KIF26B: variants seen among roughly 807,000 people sequenced by gnomAD.
The protein encoded by KIF26B is kinesin-like protein KIF26B.
A neutral mutation model predicts 151.2 loss-of-function variants in KIF26B; 63 were observed. The observed-to-expected ratio is 0.42, with a 90% confidence interval of 0.34 to 0.51. The LOEUF (loss-of-function observed/expected upper bound fraction) is 0.51. KIF26B is among the 20% of genes least tolerant of loss of function. The probability of loss-of-function intolerance (pLI) is 0.07; values close to 1 mark genes in which losing one functional copy is unlikely to be tolerated. For synonymous variants in KIF26B, 1,357 were observed against 1,262.1 expected, an observed-to-expected ratio of 1.08 and a Z score of -1.59; for missense variants, 2,813 against 2,913.6, an observed-to-expected ratio of 0.97 and a Z score of 0.79.
At position 245,162,522 on chromosome 1, in the gene KIF26B, A is replaced by G. The variant is rs545473348; in HGVS notation, c.465+5839A>G. Among the ~76,000 whole-genome samples the G allele has an allele frequency of 1.3e-4, 19 of 151,636 alleles. No individual in the cohort carries two copies. The East Asian group carries it at 3.7e-3, about 30-fold the overall frequency. On this transcript the variant is annotated intron_variant, in intron 2 of 14. Transcript: ENST00000407071. ...TGCCTCAGCCTCCCGAGTAGCTGGGACTACAGGCGCCCGCCACCACGCCCA... is the reference window on the plus strand; with the variant it reads ...TGCCTCAGCCTCCCGAGTAGCTGGGGCTACAGGCGCCCGCCACCACGCCCA...
chr1:245,517,633 G>C (rs1660998520), intron 4 of KIF26B, among the ~76,000 whole-genome samples: 1 of 152,254 alleles, frequency 6.6e-6, no homozygotes, highest in South Asian at 2.1e-4. Context: ...ATCAAAGAGA[G>C]GAGTGAACAT....
intron 5 of KIF26B, among the ~76,000 whole-genome samples, chr1:245,552,539 A>C (rs577097843): frequency 6.6e-6 from 1 of 151,978 alleles, no homozygotes; most frequent in African/African-American, 2.4e-5. Flanking sequence ...ACTGGTTTCC[A>C]TTCTGTTGCG....
At chr1:245,347,661 C>T (rs189324435) in intron 2 of KIF26B, among the ~76,000 whole-genome samples, 4 of 152,228 alleles carry the variant, frequency 2.6e-5, no homozygotes, top group East Asian at 3.9e-4. Flanking sequence ...TTTTAAAATG[C>T]GTGTTTATAC....
intron 2 of KIF26B, among the ~76,000 whole-genome samples, chr1:245,325,373 C>A (rs1251777208): frequency 6.6e-6 from 1 of 152,202 alleles, no homozygotes; most frequent in African/African-American, 2.4e-5. Flanking sequence ...CAACCTTATT[C>A]CACTGCATGC....
intron 5 of KIF26B, among the ~76,000 whole-genome samples, chr1:245,546,136 T>TA (rs1661734711): frequency 1.3e-5 from 2 of 152,240 alleles, no homozygotes; most frequent in Non-Finnish European, 2.9e-5. Flanking sequence ...ACATTCTTCT[T>TA]AGAGGAAGAG....
At chr1:245,163,587 TACATTA>T (rs1348084434) in intron 2 of KIF26B, among the ~76,000 whole-genome samples, 1 of 152,198 alleles carries the variant, frequency 6.6e-6, no homozygotes, top group Non-Finnish European at 1.5e-5. Flanking sequence ...GTTGAATGTA[TACATTA>T]ACCTGGGGGA....
chr1:245,253,065 A>G (rs1384680861), intron 2 of KIF26B, among the ~76,000 whole-genome samples: 1 of 141,750 alleles, frequency 7.1e-6, no homozygotes, highest in African/African-American at 2.7e-5. Context: ...GCTGGAGTGC[A>G]GTGACATGAT....
chr1:245,223,904 G>A (rs1669823447), intron 2 of KIF26B, among the ~76,000 whole-genome samples: 2 of 152,220 alleles, frequency 1.3e-5, no homozygotes, highest in African/African-American at 4.8e-5. Flanking sequence ...AGAAAAAGGA[G>A]TCAGCATCAC....
At chr1:245,630,367 T>C (rs1000198444) in intron 9 of KIF26B, among the ~76,000 whole-genome samples, 1 of 151,898 alleles carries the variant, frequency 6.6e-6, no homozygotes, top group African/African-American at 2.4e-5. Flanking sequence ...ATGAAGAAAA[T>C]GTAATACATA....
At chr1:245,219,342 A>G (rs1276895023) in intron 2 of KIF26B, among the ~76,000 whole-genome samples, 2 of 151,690 alleles carry the variant, frequency 1.3e-5, no homozygotes, top group Non-Finnish European at 2.9e-5. Flanking sequence ...GATGGTCTCC[A>G]TCTTCTGACC....
rs569069556 is a variant in KIF26B at position 245,324,822 on chromosome 1, C to T, written c.466-42012C>T. Among the ~76,000 whole-genome samples the T allele has an allele frequency of 3.3e-5, 5 of 152,112 alleles. No individual in the cohort carries two copies. In the South Asian group the frequency reaches 8.3e-4, roughly 25 times the overall value. ...TCCTAAAGAAAATGGGGGCCGGGCA[C>T]GGTGGCTCATGCCTGTAATCCCAGC... On this transcript the variant is annotated intron_variant, in intron 2 of 14. Transcript: ENST00000407071.
intron 2 of KIF26B, among the ~76,000 whole-genome samples, chr1:245,233,375 A>T (rs114690048): frequency 6.6e-6 from 1 of 152,226 alleles, no homozygotes; most frequent in Non-Finnish European, 1.5e-5. Flanking sequence ...GCACAATTTC[A>T]TATGTAAAGT....
At chr1:245,335,915 C>T (rs538940531) in intron 2 of KIF26B, among the ~76,000 whole-genome samples, 1 of 128,726 alleles carries the variant, frequency 7.8e-6, no homozygotes, top group Non-Finnish European at 1.6e-5. Context: ...GAGTCCCACG[C>T]GGGGAGAGCC....
rs900430743 is a variant in KIF26B, at chr1:245,702,190, G to C, written c.6179-268G>C. ...ATCCATCCTGGATCCTCCATGGCTGGAGGTAGGGGGAGCTAGAATGTCACC... is the reference window on the plus strand; with the variant it reads ...ATCCATCCTGGATCCTCCATGGCTGCAGGTAGGGGGAGCTAGAATGTCACC... On this transcript the variant is annotated intron_variant, in intron 14 of 14. Coordinates refer to ENST00000407071, the MANE Select transcript of KIF26B (RefSeq NM_018012.4). The surrounding 1 kb of genome is among the most constrained non-coding windows in gnomAD (Gnocchi z 4.1). Among the ~76,000 whole-genome samples, 4 of 152,196 alleles carry C rather than the reference G, an allele frequency of 2.6e-5. No individual in the cohort carries two copies. Among genetic ancestry groups the C allele is most frequent in the Non-Finnish European group, 5.9e-5 (4 of 68,030 alleles).
intron 12 of KIF26B, among the ~76,000 whole-genome samples, chr1:245,689,900 C>G (rs2044601162): frequency 6.6e-6 from 1 of 152,302 alleles, no homozygotes; most frequent in Admixed American, 6.5e-5. Flanking sequence ...AAGGCACGTA[C>G]TCCAGAATAA....
At chr1:245,437,318 T>C (rs1658960257) in intron 4 of KIF26B, among the ~76,000 whole-genome samples, 1 of 152,206 alleles carries the variant, frequency 6.6e-6, no homozygotes, top group Non-Finnish European at 1.5e-5. Context: ...CCCCACCTGT[T>C]AACGTGTTGA....
intron 2 of KIF26B, among the ~76,000 whole-genome samples, chr1:245,164,933 C>T (rs187015507): frequency 5.3e-5 from 8 of 152,124 alleles, no homozygotes; most frequent in Admixed American, 4.6e-4. Flanking sequence ...ATTAGCCGGG[C>T]GTGGTGGCCC....
At position 245,609,191 on chromosome 1, in the gene KIF26B, G is replaced by C. The variant is rs2043490837; in HGVS notation, c.1652-75G>C. 7 of 1,338,778 alleles carry C rather than the reference G, an allele frequency of 5.2e-6. No homozygotes were observed. In the East Asian group the frequency reaches 1.8e-4, roughly 34 times the overall value. 82.9% of individuals were successfully genotyped at this position (1,338,778 alleles called of 1,614,324 possible). On this transcript the variant is annotated intron_variant, in intron 7 of 14. Transcript: ENST00000407071. ...CCTGTGCCTTTCTTCTATATCCTTG[G>C]CATCTATTTTGGAGACTCCGTGGAA...
chr1:245,564,730 C>A lies in KIF26B; in HGVS notation c.1350+23780C>A, dbSNP rs1157344829. Among the ~76,000 whole-genome samples, 2 of 152,150 alleles carry A rather than the reference C, an allele frequency of 1.3e-5. No homozygotes were observed. The highest frequency in any genetic ancestry group is 4.8e-5 in the African/African-American group (2 of 41,440). ...CTGTAGGCACCAGGGACTGGTTTCA[C>A]GGAAGACAGTTTTCCCACGGACCAA... On this transcript the variant is annotated intron_variant, in intron 5 of 14. Coordinates refer to ENST00000407071, the MANE Select transcript of KIF26B (RefSeq NM_018012.4). The surrounding 1 kb of genome is among the most constrained non-coding windows in gnomAD (Gnocchi z 4.6).
Sources: allele counts gnomAD v4.1 joint callset (sites outside exome capture counted in the v4.1 genomes callset), GRCh38; gene constraint gnomAD v4.1.1; non-coding constraint Gnocchi (gnomAD v3.1); transcripts MANE v1.5; gene names NCBI Gene and HGNC (gene_info 2026-07-23, HGNC 2026-07-21).